Variants in MAPKAPK2 observed in about 807,000 individuals in gnomAD.
MAPKAPK2 encodes the protein MAPK activated protein kinase 2, also known as MAP kinase-activated protein kinase 2.
Under a neutral mutation model 48.8 loss-of-function variants are expected in MAPKAPK2, and 9 were observed. The observed-to-expected ratio is 0.18, with a 90% CI of 0.11 to 0.32. MAPKAPK2 has a LOEUF of 0.32. Among genes scored for constraint, MAPKAPK2 ranks in the 10% least tolerant of loss-of-function variants. The pLI is 1.00. For missense variants in MAPKAPK2, 331 were observed against 498.3 expected (o/e 0.66, Z 3.20); for synonymous variants, 202 against 190.6 (o/e 1.06, Z -0.49).
At chr1:206,728,937 C>T in intron 2 of MAPKAPK2, 88 bp downstream of exon 2, 1 of 1,611,786 alleles carries the variant, frequency 6.2e-7, no homozygotes, top group Non-Finnish European at 8.5e-7. Context: ...CAGGGATGGG[C>T]CTGAAGCCTG....
At chr1:206,689,553 G>A (rs1672390039) in intron 1 of MAPKAPK2, among the ~76,000 whole-genome samples, 1 of 152,194 alleles carries the variant, frequency 6.6e-6, no homozygotes, top group Admixed American at 6.5e-5. Context: ...GTTACAGGTA[G>A]GTAACAGTTT....
In MAPKAPK2 at chr1:206,720,886, C is replaced by T. The variant is rs542176166; in HGVS notation, c.280-7824C>T. Among the ~76,000 whole-genome samples the T allele has an allele frequency of 2.0e-4, 30 of 152,296 alleles. No homozygotes were observed. In the Middle Eastern group the frequency reaches 0.01, roughly 52 times the overall value. ...AATCTAGTAGACACTCAGGAATCCA[C>T]ATTTCCCCATTTAATATTCATCTGA... is the stretch of plus-strand genomic sequence containing the variant. On this transcript the variant is annotated intron_variant, in intron 1 of 9. Transcript: ENST00000367103.
chr1:206,729,932 G>T (rs782495549), intron 4 of MAPKAPK2, 40 bp from the exon 5 acceptor site: 24 of 1,613,528 alleles, frequency 1.5e-5, no homozygotes, highest in Non-Finnish European at 2.0e-5. Context: ...CCCCTCCCAG[G>T]TCCAGCAGGG....
At position 206,733,018 on chromosome 1, in the gene MAPKAPK2, C is replaced by A. The variant is rs1553433024; in HGVS notation, c.*300C>A. The A allele has an allele frequency of 1.2e-5, 4 of 343,218 alleles. No homozygotes were observed. Among genetic ancestry groups the A allele is most frequent in the Non-Finnish European group, 2.2e-5 (4 of 184,924 alleles). 21.3% of individuals were successfully genotyped at this position (343,218 alleles called of 1,614,324 possible). A position where few individuals can be genotyped will look rare whatever the true frequency, so the allele number is the denominator to read the frequency against. The stretch of plus-strand genomic sequence containing the variant: ...ACGAAACCTCTTTTGTTGTCCTTGC[C>A]CCACTCCTCTCCACCAGACGCCTTC... On this transcript the variant is annotated 3_prime_UTR_variant, in exon 10 of 10. Coordinates refer to ENST00000367103, the MANE Select transcript of MAPKAPK2 (RefSeq NM_032960.4).
intron 1 of MAPKAPK2, among the ~76,000 whole-genome samples, chr1:206,700,711 G>T (rs1385802266): frequency 1.3e-5 from 2 of 152,200 alleles, no homozygotes; most frequent in Admixed American, 6.5e-5. Flanking sequence ...AACATAGCTT[G>T]CTTTCTCTCT....
At position 206,731,815 on chromosome 1, in the gene MAPKAPK2, C is replaced by T. The variant is rs377553675; in HGVS notation, c.979-24C>T. 36 of 1,613,400 alleles carry T rather than the reference C, an allele frequency of 2.2e-5. No individual in the cohort carries two copies. The highest frequency in any genetic ancestry group is 1.7e-4 in the Middle Eastern group (1 of 6,056). On this transcript the variant is annotated intron_variant, in intron 8 of 9. Coordinates refer to ENST00000367103, the MANE Select transcript of MAPKAPK2 (RefSeq NM_032960.4). The surrounding 1 kb of genome is among the most constrained non-coding windows in gnomAD (Gnocchi z 5.9). ...CAGGACCCTACCCCAGGCTTTCACT[C>T]GGACCCCTTTTCTCTCTTCTCAGCA...
rs782183168 is a variant in MAPKAPK2, at chr1:206,732,543, CTG to C, written c.1060-30_1060-29del. On this transcript the variant is annotated intron_variant, in intron 9 of 9. Coordinates refer to ENST00000367103, the MANE Select transcript of MAPKAPK2 (RefSeq NM_032960.4). This position sits in a 1 kb window ranked among gnomAD's most constrained non-coding sequence, Gnocchi z 4.4. ...TCTCCTACCTGTCTTCTGGCTCTCT[CTG>C]TACCCTTCCTGGTGCTGCCGTGCCC... 3 of 1,612,394 alleles carry C rather than the reference CTG, an allele frequency of 1.9e-6. No individual in the cohort carries two copies. Among genetic ancestry groups the C allele is most frequent in the East Asian group, 4.5e-5 (2 of 44,878 alleles).
intron 1 of MAPKAPK2, among the ~76,000 whole-genome samples, chr1:206,694,809 C>T (rs1220463740): frequency 3.9e-5 from 6 of 152,222 alleles, no homozygotes; most frequent in Non-Finnish European, 8.8e-5. Context: ...AGTTGGACAG[C>T]CCAGCAAGGG....
rs1553431438 is a variant in MAPKAPK2 at position 206,723,053 on chromosome 1, CT to C, written c.280-5653del. 3.3e-5 allele frequency among the ~76,000 whole-genome samples: 5 copies of C among 152,234 alleles called. No individual in the cohort carries two copies. In the South Asian group the frequency reaches 6.2e-4, roughly 19 times the overall value. On this transcript the variant is annotated intron_variant, in intron 1 of 9. Coordinates refer to ENST00000367103, the MANE Select transcript of MAPKAPK2 (RefSeq NM_032960.4). ...CAACACACTTGGTGCCAGAATCAGC[CT>C]TTTGCATCGCTCTTGGCGCTGAATC...
chr1:206,690,432 GGGGAGAGACAAGCAGTCCCT>G (rs782537665), intron 1 of MAPKAPK2, among the ~76,000 whole-genome samples: 55 of 152,244 alleles, frequency 3.6e-4, no homozygotes, highest in Non-Finnish European at 6.5e-4. Context: ...GCTGACAGGA[GGGGAGAGACAAGCAGTCCCT>G]GGGCCTTAGG....
chr1:206,710,049 C>T (rs1477483087), intron 1 of MAPKAPK2, among the ~76,000 whole-genome samples: 2 of 151,990 alleles, frequency 1.3e-5, no homozygotes, highest in Non-Finnish European at 2.9e-5. Context: ...AGCTCTTTAG[C>T]ATATATACTT....
intron 1 of MAPKAPK2, among the ~76,000 whole-genome samples, chr1:206,723,907 AG>A (rs1673626177): frequency 6.6e-6 from 1 of 152,214 alleles, no homozygotes; most frequent in Non-Finnish European, 1.5e-5. Context: ...CACAGTTGGC[AG>A]GGGGCCTTGC....
At chr1:206,697,332 A>G (rs568077970) in intron 1 of MAPKAPK2, among the ~76,000 whole-genome samples, 1 of 152,352 alleles carries the variant, frequency 6.6e-6, no homozygotes, top group East Asian at 1.9e-4. Context: ...TAAACACTGT[A>G]TTAGTCCATT....
intron 1 of MAPKAPK2, among the ~76,000 whole-genome samples, chr1:206,697,062 C>T (rs2102381264): frequency 6.6e-6 from 1 of 152,338 alleles, no homozygotes; most frequent in South Asian, 2.1e-4. Flanking sequence ...CTTACAAGGA[C>T]CCTGACCACA....
At chr1:206,718,555 T>A (rs1233316899) in intron 1 of MAPKAPK2, among the ~76,000 whole-genome samples, 43 of 138,154 alleles carry the variant, frequency 3.1e-4, no homozygotes, top group African/African-American at 1.0e-3. Flanking sequence ...AAAAAAAAAA[T>A]AGGATGTTAA....
At chr1:206,699,592 G>A (rs1156417654) in intron 1 of MAPKAPK2, among the ~76,000 whole-genome samples, 1 of 152,218 alleles carries the variant, frequency 6.6e-6, no homozygotes, top group Non-Finnish European at 1.5e-5. Flanking sequence ...GAGAAGTCAC[G>A]AAGGAGGCAA....
chr1:206,723,134 A>C (rs544762498), intron 1 of MAPKAPK2, among the ~76,000 whole-genome samples: 1 of 152,312 alleles, frequency 6.6e-6, no homozygotes, highest in Non-Finnish European at 1.5e-5. Flanking sequence ...CGCCCAGCTT[A>C]GGTGGTGTAG....
rs1673943715 is a variant in MAPKAPK2 at position 206,732,339 on chromosome 1, G to C, written c.1060-236G>C. The stretch of plus-strand genomic sequence containing the variant: ...TTCCTCCTATCCTGCGGGATCACTG[G>C]GGGGCTCTCAGGGAACAGCAGCAGT... On this transcript the variant is annotated intron_variant, in intron 9 of 9. Coordinates refer to ENST00000367103, the MANE Select transcript of MAPKAPK2 (RefSeq NM_032960.4). This position sits in a 1 kb window ranked among gnomAD's most constrained non-coding sequence, Gnocchi z 4.4. 9 of 1,443,754 alleles carry C rather than the reference G, an allele frequency of 6.2e-6. No individual in the cohort carries two copies. Among genetic ancestry groups the C allele is most frequent in the African/African-American group, 1.4e-5 (1 of 69,808 alleles). The allele number at this position is 1,443,754 out of a possible 1,614,324, so 89.4% of individuals were successfully genotyped here. A position where few individuals can be genotyped will look rare whatever the true frequency, so the allele number is the denominator to read the frequency against.
At position 206,731,171 on chromosome 1, in the gene MAPKAPK2, C is replaced by T. The variant is rs141422074; in HGVS notation, c.801C>T (p.His267=). Residue 267 remains histidine (H), a synonymous_variant, in exon 7 of 10, where the codon CAC becomes CAT. Coordinates refer to ENST00000367103, the MANE Select transcript of MAPKAPK2 (RefSeq NM_032960.4). The surrounding 1 kb of genome is among the most constrained non-coding windows in gnomAD (Gnocchi z 5.9). ...GGTATCCCCCCTTCTACTCCAACCA[C>T]GGCCTTGCCATCTCTCCGGGCATGA... is the stretch of plus-strand genomic sequence containing the variant. ...LCGYPPFYSN[H]GLAISPGMKT... is the part of the protein sequence containing the mutation. 169 of 1,614,210 alleles carry T rather than the reference C, an allele frequency of 1.0e-4. No homozygotes were observed. The African/African-American group carries it at 1.3e-3, about 13-fold the overall frequency.
Sources: allele counts gnomAD v4.1 joint callset (sites outside exome capture counted in the v4.1 genomes callset), GRCh38; gene constraint gnomAD v4.1.1; non-coding constraint Gnocchi (gnomAD v3.1); transcripts MANE v1.5; gene names NCBI Gene and HGNC (gene_info 2026-07-23, HGNC 2026-07-21).